ITSN1: variants seen among roughly 807,000 people sequenced by gnomAD.
ITSN1 encodes the protein intersectin 1.
ITSN1 carries 58 observed loss-of-function variants against 239.8 expected under a neutral mutation model. The observed-to-expected ratio is 0.24, with a 90% CI of 0.20 to 0.30. The LOEUF is 0.30. ITSN1 is among the 10% of genes least tolerant of loss of function. The pLI, the probability that ITSN1 is intolerant of heterozygous loss-of-function variation, is 1.00. For synonymous variants in ITSN1, 780 were observed against 770.8 expected, an observed-to-expected ratio of 1.01 and a Z score of -0.20; for missense variants, 1,558 against 2,103.3, an observed-to-expected ratio of 0.74 and a Z score of 5.07.
intron 29 of ITSN1, among the ~76,000 whole-genome samples, chr21:33,848,308 C>T (rs537138004): frequency 2.0e-4 from 31 of 152,328 alleles, no homozygotes; most frequent in African/African-American, 2.9e-4. Context: ...GACACACAGA[C>T]GCTGGAGATG....
chr21:33,655,575 C>A (rs1289199503), intron 1 of ITSN1, among the ~76,000 whole-genome samples: 1 of 146,438 alleles, frequency 6.8e-6, no homozygotes, highest in Non-Finnish European at 1.5e-5. Flanking sequence ...CACCACCATG[C>A]CTGGCTAATT....
intron 20 of ITSN1, 103 bp downstream of exon 20, chr21:33,802,547 G>A: frequency 8.3e-7 from 1 of 1,207,236 alleles, no homozygotes; most frequent in Non-Finnish European, 1.2e-6. Context: ...GGGTGTTGTT[G>A]CGGCAGTAAA....
intron 29 of ITSN1, among the ~76,000 whole-genome samples, chr21:33,855,317 C>T (rs1602606181): frequency 6.6e-6 from 1 of 152,214 alleles, no homozygotes; most frequent in Non-Finnish European, 1.5e-5. Context: ...TCCTAGGTGA[C>T]GCTGATGCTG....
chr21:33,750,413 T>C (rs190471489), intron 6 of ITSN1, 91 bp downstream of exon 6: 33 of 1,179,674 alleles, frequency 2.8e-5, no homozygotes, highest in Admixed American at 8.5e-5. Flanking sequence ...GTTCTGATTA[T>C]GTTTAAATGA....
At chr21:33,715,009 G>GA (rs1175581249) in intron 1 of ITSN1, among the ~76,000 whole-genome samples, 1 of 151,922 alleles carries the variant, frequency 6.6e-6, no homozygotes, top group East Asian at 1.9e-4. Flanking sequence ...GAAAGCTTCT[G>GA]AAAAAAATTT....
chr21:33,709,421 C>T (rs978071841), intron 1 of ITSN1, among the ~76,000 whole-genome samples: 1 of 152,098 alleles, frequency 6.6e-6, no homozygotes, highest in Non-Finnish European at 1.5e-5. Flanking sequence ...TTTCATGCCT[C>T]AGCCTCCCAA....
chr21:33,873,178 G>T, intron 33 of ITSN1, among the ~76,000 whole-genome samples: 1 of 152,212 alleles, frequency 6.6e-6, no homozygotes, highest in Non-Finnish European at 1.5e-5. Flanking sequence ...TTGATTTGTG[G>T]ACTCACAAGA....
At chr21:33,685,469 G>A (rs890371863) in intron 1 of ITSN1, among the ~76,000 whole-genome samples, 1 of 151,646 alleles carries the variant, frequency 6.6e-6, no homozygotes, top group Non-Finnish European at 1.5e-5. Context: ...AGATGTATTG[G>A]GTATATTTAG....
chr21:33,888,072 G>T, intron 39 of ITSN1, 80 bp from the exon 40 acceptor site: 1 of 1,450,002 alleles, frequency 6.9e-7, no homozygotes, highest in Non-Finnish European at 9.5e-7. Context: ...AGTTCATCAG[G>T]GGGTCCCCAA....
Position 33,856,873 on chromosome 21 carries a change from G to C in ITSN1, c.3783+16G>C, listed in dbSNP as rs376711273. 4 of 1,613,546 alleles carry C rather than the reference G, an allele frequency of 2.5e-6. No individual in the cohort carries two copies. The highest frequency in any genetic ancestry group is 3.4e-6 in the Non-Finnish European group (4 of 1,179,666). ...GGTCACAGAGGTAAGGGAGCTGGTG[G>C]GGCAGGGGGCACGGCAGGGGGCGAT... On this transcript the variant is annotated intron_variant, in intron 30 of 39. Transcript: ENST00000381318.
chr21:33,661,505 A>G (rs947784213), intron 1 of ITSN1, among the ~76,000 whole-genome samples: 1 of 151,958 alleles, frequency 6.6e-6, no homozygotes. Context: ...GTTTGGTGCC[A>G]CTGCTAAGGT....
chr21:33,791,542 C>T (rs2071134705), intron 16 of ITSN1, among the ~76,000 whole-genome samples: 1 of 151,678 alleles, frequency 6.6e-6, no homozygotes, highest in African/African-American at 2.4e-5. Flanking sequence ...GGTTTTTTTT[C>T]TGTAGATTCT....
At chr21:33,766,665 G>A (rs770330238) in intron 10 of ITSN1, among the ~76,000 whole-genome samples, 12 of 152,148 alleles carry the variant, frequency 7.9e-5, no homozygotes, top group Non-Finnish European at 1.6e-4. Context: ...GAAGGACTGG[G>A]GCAAAATCCC....
chr21:33,706,405 G>A (rs959954974), intron 1 of ITSN1, among the ~76,000 whole-genome samples: 20 of 150,898 alleles, frequency 1.3e-4, no homozygotes, highest in African/African-American at 4.6e-4. Flanking sequence ...GAGTATAGCT[G>A]TTATTTGTTA....
At chr21:33,708,819 G>A (rs898699394) in intron 1 of ITSN1, among the ~76,000 whole-genome samples, 1 of 152,156 alleles carries the variant, frequency 6.6e-6, no homozygotes, top group Non-Finnish European at 1.5e-5. Flanking sequence ...CCTAGGACCC[G>A]TTTTGAATTA....
At chr21:33,827,105 A>G (rs2074013782) in intron 26 of ITSN1, among the ~76,000 whole-genome samples, 1 of 152,204 alleles carries the variant, frequency 6.6e-6, no homozygotes, top group African/African-American at 2.4e-5. Flanking sequence ...TTGTCGAGAA[A>G]TAATTCAGGT....
At chr21:33,674,864 C>G (rs891221331) in intron 1 of ITSN1, among the ~76,000 whole-genome samples, 1 of 152,054 alleles carries the variant, frequency 6.6e-6, no homozygotes, top group Non-Finnish European at 1.5e-5. Context: ...TTGGCAATGT[C>G]CATTCAGTAT....
In ITSN1 at chr21:33,656,389, G is replaced by T. The variant is rs2089077821; in HGVS notation, c.-33+13676G>T. On this transcript the variant is annotated intron_variant, in intron 1 of 39. Coordinates refer to ENST00000381318, the MANE Select transcript of ITSN1 (RefSeq NM_003024.3). ...ATTGAAGTTACTTTTAAATGTTGTA[G>T]TATTTCAGTGGTGTCATTTCCTTTC... Among the ~76,000 whole-genome samples, 4 of 152,306 alleles carry T rather than the reference G, an allele frequency of 2.6e-5. No homozygotes were observed. The South Asian group carries it at 8.3e-4, about 32-fold the overall frequency.
rs1986440787 is a variant in ITSN1 at position 33,892,658 on chromosome 21, G to C, written c.*4358G>C. ...AACAGCCCTAACCTGCACTAGTGAG[G>C]GGGGCTCAGGAATTCCCATGACATT... On this transcript the variant is annotated 3_prime_UTR_variant, in exon 40 of 40. Coordinates refer to ENST00000381318, the MANE Select transcript of ITSN1 (RefSeq NM_003024.3). The C allele has an allele frequency of 6.6e-6, 1 of 152,198 alleles. No homozygotes were observed. Among genetic ancestry groups the C allele is most frequent in the Non-Finnish European group, 1.5e-5 (1 of 68,054 alleles). 9.4% of individuals were successfully genotyped at this position (152,198 alleles called of 1,614,324 possible). A position where few individuals can be genotyped will look rare whatever the true frequency, so the allele number is the denominator to read the frequency against.
Sources: allele counts gnomAD v4.1 joint callset (sites outside exome capture counted in the v4.1 genomes callset), GRCh38; gene constraint gnomAD v4.1.1; transcripts MANE v1.5; gene names NCBI Gene and HGNC (gene_info 2026-07-23, HGNC 2026-07-21).